The following ACADL variants were observed in gnomAD, a reference collection of about 807,000 sequenced individuals.
ACADL encodes the protein acyl-CoA dehydrogenase long chain, also known as long-chain specific acyl-CoA dehydrogenase, mitochondrial.
ACADL carries 60 observed loss-of-function variants against 56.9 expected under a neutral mutation model. The ratio of observed to expected loss-of-function variants is 1.05; its 90% confidence interval spans 0.86 to 1.31. The LOEUF (loss-of-function observed/expected upper bound fraction) is 1.31, where lower values mean the gene tolerates loss of function less well. Ranked by LOEUF, ACADL falls within the 50% of genes most tolerant of loss-of-function variation. The pLI is 0.00. For missense variants in ACADL, 484 were observed against 525.5 expected, an observed-to-expected ratio of 0.92 and a Z score of 0.77; for synonymous variants, 158 against 179.7, an observed-to-expected ratio of 0.88 and a Z score of 0.97.
rs994084405 is a variant in ACADL, at chr2:210,188,288, A to G, written c.*673T>C. 2.6e-5 allele frequency: 4 copies of G among 152,328 alleles called. No individual in the cohort carries two copies. The highest frequency in any genetic ancestry group is 7.2e-5 in the African/African-American group (3 of 41,466). 9.4% of individuals were successfully genotyped at this position (152,328 alleles called of 1,614,324 possible). A position where few individuals can be genotyped will look rare whatever the true frequency, so the allele number is the denominator to read the frequency against. ...ATGATGGATTATTCTGTGTTCTCAGATGTCAGCAATTGACAGAACCAAGGC... is the reference window on the plus strand; with the variant it reads ...ATGATGGATTATTCTGTGTTCTCAGGTGTCAGCAATTGACAGAACCAAGGC... On this transcript the variant is annotated 3_prime_UTR_variant, in exon 11 of 11. Coordinates refer to ENST00000233710, the MANE Select transcript of ACADL (RefSeq NM_001608.4).
At position 210,192,875 on chromosome 2, in the gene ACADL, T is replaced by G; in HGVS notation, c.1128A>C (p.Gln376His). 1 of 1,613,822 alleles carries G rather than the reference T, an allele frequency of 6.2e-7. No homozygotes were observed. The highest frequency in any genetic ancestry group is 8.5e-7 in the Non-Finnish European group (1 of 1,179,836). The part of the protein sequence containing the change: ...CMAKYWASEL[Q>H]NSVAYDCVQL... ...GTACACAGTCGTAAGCTACACTATT[T>G]TGTAACTCAGATGCCCTAAATGACC... Residue 376 changes from glutamine to histidine, a missense_variant, in exon 10 of 11, where the codon CAA becomes CAC. Coordinates refer to ENST00000233710, the MANE Select transcript of ACADL (RefSeq NM_001608.4).
At chr2:210,209,372 A>G (rs1214992093) in intron 5 of ACADL, among the ~76,000 whole-genome samples, 1 of 152,226 alleles carries the variant, frequency 6.6e-6, no homozygotes, top group Non-Finnish European at 1.5e-5. Flanking sequence ...AGTGATATCA[A>G]ATGCATTTGC....
chr2:210,214,001 C>T (rs574031433), intron 4 of ACADL, among the ~76,000 whole-genome samples: 125 of 148,528 alleles, frequency 8.4e-4, no homozygotes, highest in Admixed American at 1.5e-3. Flanking sequence ...GGAAATATAG[C>T]GAGACCCCAT....
chr2:210,202,413 AG>A (rs1312804145), intron 8 of ACADL, among the ~76,000 whole-genome samples: 1 of 152,134 alleles, frequency 6.6e-6, no homozygotes, highest in Non-Finnish European at 1.5e-5. Context: ...AAGAAATAGA[AG>A]TCTTCTATAA....
At chr2:210,202,983 C>T (rs1688820007) in intron 8 of ACADL, among the ~76,000 whole-genome samples, 1 of 152,206 alleles carries the variant, frequency 6.6e-6, no homozygotes, top group Admixed American at 6.6e-5. Context: ...TGATCCCACT[C>T]CCTACTCCAT....
In ACADL at chr2:210,194,899, C is replaced by G. The variant is rs1688683564; in HGVS notation, c.1112+312G>C. 2.0e-5 allele frequency among the ~76,000 whole-genome samples: 3 copies of G among 152,126 alleles called. No individual in the cohort carries two copies. In the South Asian group the frequency reaches 6.2e-4, roughly 32 times the overall value. ...TAAACTATTACTTGAATGAATGAAT[C>G]AGTCATCCTATCAATATCACTCTTC... is the stretch of plus-strand genomic sequence containing the variant. On this transcript the variant is annotated intron_variant, in intron 9 of 10. Coordinates refer to ENST00000233710, the MANE Select transcript of ACADL (RefSeq NM_001608.4).
In ACADL at chr2:210,217,971, T is replaced by C; in HGVS notation, c.365A>G (p.Glu122Gly). The part of the protein sequence containing the change: ...GDLYSAAIVW[E>G]EQAYSNCSGP... Reference sequence around the variant, plus strand: ...TAAAAGTCTCCATACTTACTGCTCCTCCCAGACAATAGCTGCGGAGTACAG... The same window carrying C: ...TAAAAGTCTCCATACTTACTGCTCCCCCCAGACAATAGCTGCGGAGTACAG... The change falls in exon 3 of 11, where the codon GAG (glutamate) becomes GGG (glycine). Residue 122 changes from glutamate (E) to glycine (G), a missense_variant. Transcript: ENST00000233710. 1 of 1,614,022 alleles carries C rather than the reference T, an allele frequency of 6.2e-7. No homozygotes were observed. Among genetic ancestry groups the C allele is most frequent in the Non-Finnish European group, 8.5e-7 (1 of 1,179,964 alleles).
chr2:210,205,632 C>T lies in ACADL; in HGVS notation c.768G>A (p.Gln256=), dbSNP rs763305485. 5.0e-6 allele frequency: 8 copies of T among 1,613,332 alleles called. No homozygotes were observed. In the African/African-American group the frequency reaches 1.1e-4, roughly 22 times the overall value. The change falls in exon 6 of 11, where the codon CAG becomes CAA. Residue 256 remains glutamine, a splice_region_variant and synonymous_variant. Transcript: ENST00000233710. ...GAATATGATTTACATTATCACTCAC[C>T]TGGGCTTTTAATCCCATTTTATGTA... is the stretch of plus-strand genomic sequence containing the variant. ...RKLHKMGLKA[Q]DTAELFFEDI...
intron 6 of ACADL, among the ~76,000 whole-genome samples, chr2:210,205,138 T>C (rs927933060): frequency 3.4e-4 from 51 of 152,200 alleles, no homozygotes; most frequent in African/African-American, 1.2e-3. Flanking sequence ...GTGATTCTCC[T>C]GCCTCAGCCT....
rs184051807 is a variant in ACADL, at chr2:210,206,335, G to A, written c.604-539C>T. 1.2e-3 allele frequency among the ~76,000 whole-genome samples: 183 copies of A among 152,236 alleles called. 1 individual carries two copies. The highest frequency in any genetic ancestry group is 4.2e-3 in the African/African-American group (175 of 41,546). On this transcript the variant is annotated intron_variant, in intron 5 of 10. Transcript: ENST00000233710. Reference sequence around the variant, plus strand: ...AGTCCAAGCTACTCAGGAAGCTGAGGCAGGAGGATCGCTTGAGTCCAGGAG... The same window carrying A: ...AGTCCAAGCTACTCAGGAAGCTGAGACAGGAGGATCGCTTGAGTCCAGGAG...
chr2:210,192,824 C>A lies in ACADL; in HGVS notation c.1179G>T (p.Met393Ile). ...CVQLHGGWGYMWEYPIAKAYV... is the reference protein window; with the variant it reads ...CVQLHGGWGYIWEYPIAKAYV... ...CTTACTTTGCAATTGGGTACTCCCA[C>A]ATGTATCCCCAACCTCCATGGAGCT... Residue 393 changes from methionine (M) to isoleucine (I), a missense_variant, in exon 10 of 11, where the codon ATG becomes ATT. Met to Ile is a conservative substitution (Grantham distance 10). Coordinates refer to ENST00000233710, the MANE Select transcript of ACADL (RefSeq NM_001608.4). The A allele has an allele frequency of 1.2e-6, 2 of 1,613,682 alleles. No homozygotes were observed. Among genetic ancestry groups the A allele is most frequent in the Non-Finnish European group, 1.7e-6 (2 of 1,179,688 alleles).
At chr2:210,197,541 A>G (rs1688729352) in intron 8 of ACADL, among the ~76,000 whole-genome samples, 1 of 152,208 alleles carries the variant, frequency 6.6e-6, no homozygotes, top group African/African-American at 2.4e-5. Flanking sequence ...TCGAAAACAG[A>G]TGAGTATTCC....
At chr2:210,196,754 C>G (rs1203470059) in intron 8 of ACADL, among the ~76,000 whole-genome samples, 1 of 152,152 alleles carries the variant, frequency 6.6e-6, no homozygotes, top group African/African-American at 2.4e-5. Context: ...AGAAACAGTT[C>G]TGATCATTCT....
At chr2:210,204,770 CA>C (rs1216646449) in intron 6 of ACADL, 88 bp from the exon 7 acceptor site, 17 of 1,114,044 alleles carry the variant, frequency 1.5e-5, no homozygotes, top group Non-Finnish European at 1.9e-5. Flanking sequence ...TTATTTTTTC[CA>C]AAAAAACAAA....
chr2:210,214,499 G>GAAAGAAAGAAAGAAAGAAAGAAAGAA (rs1553691024), intron 4 of ACADL, among the ~76,000 whole-genome samples: 6 of 150,448 alleles, frequency 4.0e-5, no homozygotes, highest in Non-Finnish European at 8.8e-5. Context: ...AAGAAAGAAA[G>GAAAGAAAGAAAGAAAGAAAGAAAGAA]AAAGAAAGAA....
chr2:210,209,139 A>G (rs949638208), intron 5 of ACADL, among the ~76,000 whole-genome samples: 3 of 152,230 alleles, frequency 2.0e-5, no homozygotes, highest in African/African-American at 7.2e-5. Flanking sequence ...TTATTAAAGT[A>G]TATTTGAAGA....
chr2:210,194,646 T>A (rs1411485598), intron 9 of ACADL, among the ~76,000 whole-genome samples: 1 of 152,230 alleles, frequency 6.6e-6, no homozygotes, highest in Non-Finnish European at 1.5e-5. Context: ...GAAACTTTGA[T>A]TGGACAGCCA....
At chr2:210,200,012 TG>T (rs1375944379) in intron 8 of ACADL, among the ~76,000 whole-genome samples, 1 of 152,190 alleles carries the variant, frequency 6.6e-6, no homozygotes, top group Non-Finnish European at 1.5e-5. Flanking sequence ...CCCAACGTGC[TG>T]GGATTACAGG....
chr2:210,224,687 G>A, intron 1 of ACADL: 1 of 986,450 alleles, frequency 1.0e-6, no homozygotes, highest in African/African-American at 1.7e-5. Context: ...GACAATTCTG[G>A]TCCGCGCCGC....
Sources: allele counts gnomAD v4.1 joint callset (sites outside exome capture counted in the v4.1 genomes callset), GRCh38; gene constraint gnomAD v4.1.1; transcripts MANE v1.5; gene names NCBI Gene and HGNC (gene_info 2026-07-23, HGNC 2026-07-21).